The following STON2 variants were observed in gnomAD, a reference collection of about 807,000 sequenced individuals.
STON2 encodes the protein stonin 2, also known as stonin-2.
A neutral mutation model predicts 65.7 loss-of-function variants in STON2; 29 were observed. That is an observed-to-expected ratio of 0.44 (90% confidence interval 0.33 to 0.60). STON2 has a LOEUF of 0.60. Among genes scored for constraint, STON2 ranks in the 20% least tolerant of loss-of-function variants. STON2 has a pLI of 0.03. For missense variants in STON2, 1,054 were observed against 1,118.1 expected (o/e 0.94, Z 0.82); for synonymous variants, 404 against 414.2 (o/e 0.98, Z 0.30).
At chr14:81,310,860 C>T (rs1896395946) in intron 5 of STON2, among the ~76,000 whole-genome samples, 2 of 152,144 alleles carry the variant, frequency 1.3e-5, no homozygotes, top group Non-Finnish European at 2.9e-5. Flanking sequence ...TGATATTTGA[C>T]CTTTGACTTT....
intron 6 of STON2, among the ~76,000 whole-genome samples, chr14:81,272,426 G>A (rs1894638238): frequency 1.3e-5 from 2 of 152,164 alleles, no homozygotes; most frequent in Non-Finnish European, 2.9e-5. Context: ...CCTTAATTAT[G>A]TAACTGAAAC....
At position 81,288,799 on chromosome 14, in the gene STON2, T is replaced by C. The variant is rs576705717; in HGVS notation, c.743-10060A>G. 3.8e-4 allele frequency among the ~76,000 whole-genome samples: 57 copies of C among 150,156 alleles called. 1 individual carries two copies. Among genetic ancestry groups the C allele is most frequent in the African/African-American group, 1.4e-3 (56 of 39,796 alleles). ...TCTACAGGTACCATAAGGGAGAATGTATCATAGGAGCAAGGGAAAAAGGGT... is the reference window on the plus strand; with the variant it reads ...TCTACAGGTACCATAAGGGAGAATGCATCATAGGAGCAAGGGAAAAAGGGT... On this transcript the variant is annotated intron_variant, in intron 5 of 7. Transcript: ENST00000614646.
In STON2 at chr14:81,395,968, C is replaced by T; in HGVS notation, c.299G>A (p.Ser100Asn). 1 of 1,614,192 alleles carries T rather than the reference C, an allele frequency of 6.2e-7. No individual in the cohort carries two copies. Among genetic ancestry groups the T allele is most frequent in the Non-Finnish European group, 8.5e-7 (1 of 1,180,020 alleles). The change falls in exon 3 of 8, where the codon AGC (serine) becomes AAC (asparagine). Residue 100 changes from serine to asparagine, a missense_variant. Ser to Asn is a conservative substitution (Grantham distance 46, BLOSUM62 1). Transcript: ENST00000614646. ...QPPPDLASAISNWVQFEDDTP... is the reference protein window; with the variant it reads ...QPPPDLASAINNWVQFEDDTP... ...GTCATCTTCAAACTGAACCCAGTTGCTGATGGCCGAGGCCAGGTCAGGTGG... is the reference window on the plus strand; with the variant it reads ...GTCATCTTCAAACTGAACCCAGTTGTTGATGGCCGAGGCCAGGTCAGGTGG...
Position 81,413,095 on chromosome 14 carries a change from CAAG to C in STON2, c.-199+14004_-199+14006del, listed in dbSNP as rs1566949745. ...AAGAGAGGAACACTGTGGCTCATAT[CAAG>C]AAGGAATGTGACAAGAAGTACAATC... On this transcript the variant is annotated intron_variant, in intron 2 of 8. Coordinates refer to the STON2 transcript ENST00000553821. 3 of 1,143,938 alleles carry C rather than the reference CAAG, an allele frequency of 2.6e-6. 1 individual carries two copies. The highest frequency in any genetic ancestry group is 3.8e-6 in the Non-Finnish European group (3 of 788,154). The allele number at this position is 1,143,938 out of a possible 1,614,324, so 70.9% of individuals were successfully genotyped here.
chr14:81,415,604 A>G (rs1419279345), intron 2 of STON2, among the ~76,000 whole-genome samples: 1 of 137,858 alleles, frequency 7.3e-6, no homozygotes, highest in Non-Finnish European at 1.5e-5. Flanking sequence ...CAGGAGGCAG[A>G]GGTGGCAGTG....
rs1595259234 is a variant in STON2, at chr14:81,264,654, A to G, written c.*3760T>C. 1 of 985,060 alleles carries G rather than the reference A, an allele frequency of 1.0e-6. No homozygotes were observed. Among genetic ancestry groups the G allele is most frequent in the East Asian group, 1.1e-4 (1 of 8,820 alleles). 61.0% of individuals were successfully genotyped at this position (985,060 alleles called of 1,614,324 possible). Reference sequence around the variant, plus strand: ...TTGAATAGAAATCAGTCTCATTTCAAATAAAAAATATTTTAAATCAAACAA... The same window carrying G: ...TTGAATAGAAATCAGTCTCATTTCAGATAAAAAATATTTTAAATCAAACAA... On this transcript the variant is annotated 3_prime_UTR_variant, in exon 8 of 8. Transcript: ENST00000614646.
chr14:81,335,668 T>G (rs1011992377), intron 4 of STON2, among the ~76,000 whole-genome samples: 1 of 152,158 alleles, frequency 6.6e-6, no homozygotes, highest in African/African-American at 2.4e-5. Flanking sequence ...AGTATCGCAA[T>G]GGGTTCCATA....
intron 5 of STON2, among the ~76,000 whole-genome samples, chr14:81,302,697 A>G (rs1211775019): frequency 3.3e-5 from 5 of 152,244 alleles, no homozygotes; most frequent in African/African-American, 1.2e-4. Flanking sequence ...ATGTCTCCAC[A>G]AGGAATACAG....
chr14:81,361,627 C>T (rs1051614243), intron 4 of STON2, among the ~76,000 whole-genome samples: 5 of 151,320 alleles, frequency 3.3e-5, no homozygotes, highest in African/African-American at 9.7e-5. Context: ...GCACAGGAAA[C>T]GAAATAAAAA....
intron 5 of STON2, among the ~76,000 whole-genome samples, chr14:81,310,270 T>C (rs779555702): frequency 5.3e-5 from 8 of 152,258 alleles, no homozygotes; most frequent in Non-Finnish European, 1.2e-4. Flanking sequence ...TATGTAAATA[T>C]AGTACCATCC....
chr14:81,371,326 GTATCACTCA>G (rs1314796499), intron 3 of STON2, 141 bp from the exon 4 acceptor site: 1 of 741,904 alleles, frequency 1.3e-6, no homozygotes, highest in Non-Finnish European at 2.2e-6. Context: ...TGTATGGAGA[GTATCACTCA>G]TGACACAGAC....
chr14:81,404,604 T>C (rs931342758), upstream of STON2, among the ~76,000 whole-genome samples: 6 of 152,244 alleles, frequency 3.9e-5, no homozygotes, highest in South Asian at 4.1e-4. Flanking sequence ...TGCAGGCCCA[T>C]GTGATCCTCC....
At chr14:81,276,653 C>T (rs1191153106) in intron 6 of STON2, among the ~76,000 whole-genome samples, 1 of 152,172 alleles carries the variant, frequency 6.6e-6, no homozygotes, top group African/African-American at 2.4e-5. Context: ...AGCAGCTCAG[C>T]TGAGAAGAAT....
intron 4 of STON2, among the ~76,000 whole-genome samples, chr14:81,365,553 C>T (rs1000852458): frequency 2.6e-5 from 4 of 151,958 alleles, no homozygotes; most frequent in African/African-American, 9.7e-5. Context: ...GTTAGGAGTT[C>T]GAGACCAAAC....
chr14:81,434,689 G>A (rs1344151727), intron 1 of STON2, among the ~76,000 whole-genome samples: 2 of 152,018 alleles, frequency 1.3e-5, no homozygotes, highest in Non-Finnish European at 2.9e-5. Flanking sequence ...TTTTGGATTC[G>A]TCACACAGTA....
At chr14:81,340,102 C>A (rs959276393) in intron 4 of STON2, among the ~76,000 whole-genome samples, 6 of 152,140 alleles carry the variant, frequency 3.9e-5, no homozygotes, top group Non-Finnish European at 7.4e-5. Flanking sequence ...TGCAGTAAGC[C>A]CAGATCGCGC....
At chr14:81,403,167 G>C (rs1390073582), upstream of STON2, among the ~76,000 whole-genome samples, 2 of 152,014 alleles carry the variant, frequency 1.3e-5, no homozygotes, top group African/African-American at 4.8e-5. Flanking sequence ...TGTCCTATTC[G>C]ATCACTTGTT....
chr14:81,394,336 CAAAG>C (rs1302234985), intron 3 of STON2, among the ~76,000 whole-genome samples: 3 of 151,874 alleles, frequency 2.0e-5, no homozygotes, highest in Non-Finnish European at 4.4e-5. Flanking sequence ...CACTGAAAAA[CAAAG>C]GAATCAGCCT....
intron 4 of STON2, among the ~76,000 whole-genome samples, chr14:81,331,237 T>G (rs970172153): frequency 2.0e-5 from 3 of 152,258 alleles, no homozygotes; most frequent in Non-Finnish European, 4.4e-5. Context: ...CTGCCACAGA[T>G]GCTTTGGGTA....
Sources: gnomAD v4.1 joint callset for allele counts (sites outside exome capture counted in the v4.1 genomes callset) on GRCh38, gnomAD v4.1.1 for gene constraint, MANE v1.5 for transcripts, NCBI Gene and HGNC (gene_info 2026-07-23, HGNC 2026-07-21) for gene names.